SYT16: variants seen among roughly 807,000 people sequenced by gnomAD.
SYT16 encodes synaptotagmin 16, also known as synaptotagmin-16.
SYT16 carries 42 observed loss-of-function variants against 61.4 expected under a neutral mutation model. The observed-to-expected ratio is 0.68, with a 90% CI of 0.53 to 0.89. SYT16 has a LOEUF of 0.89. Ranked by LOEUF, SYT16 falls within the 40% of genes least tolerant of loss-of-function variation. The pLI is 0.00. For synonymous variants in SYT16, 314 were observed against 302.3 expected, an observed-to-expected ratio of 1.04 and a Z score of -0.40; for missense variants, 804 against 807.3, an observed-to-expected ratio of 1.00 and a Z score of 0.05.
At chr14:61,918,958 A>G (rs1235016377) in intron 1 of SYT16, among the ~76,000 whole-genome samples, 4 of 152,200 alleles carry the variant, frequency 2.6e-5, no homozygotes, top group Admixed American at 2.6e-4. Flanking sequence ...TGGAAATAAT[A>G]TAAGACTAAA....
intron 1 of SYT16, among the ~76,000 whole-genome samples, chr14:61,943,138 T>A (rs1352535482): frequency 6.6e-6 from 1 of 151,978 alleles, no homozygotes; most frequent in Non-Finnish European, 1.5e-5. Flanking sequence ...CTAGAAGAAA[T>A]GGATAAATTC....
chr14:61,863,438 T>C (rs73258404), intron 1 of SYT16, among the ~76,000 whole-genome samples: 20,037 of 152,230 alleles, frequency 0.13, 1,427 homozygotes, highest in African/African-American at 0.18. Flanking sequence ...TAAAGCTCTT[T>C]GGCCCATTTT....
chr14:61,918,004 T>C (rs958924865), intron 1 of SYT16, among the ~76,000 whole-genome samples: 1 of 152,184 alleles, frequency 6.6e-6, no homozygotes, highest in Non-Finnish European at 1.5e-5. Flanking sequence ...AGGGTGTGAC[T>C]ACCTCAGCCA....
intron 3 of SYT16, among the ~76,000 whole-genome samples, chr14:62,041,375 C>A (rs1432561201): frequency 6.6e-6 from 1 of 152,160 alleles, no homozygotes; most frequent in Non-Finnish European, 1.5e-5. Flanking sequence ...CTGTTCCTGG[C>A]TACTTTTAAC....
At position 61,960,215 on chromosome 14, in the gene SYT16, T is replaced by C. The variant is rs1353958985; in HGVS notation, c.-324-9917T>C. Among the ~76,000 whole-genome samples, 4 of 151,970 alleles carry C rather than the reference T, an allele frequency of 2.6e-5. No homozygotes were observed. In the East Asian group the frequency reaches 7.7e-4, roughly 29 times the overall value. On this transcript the variant is annotated intron_variant, in intron 1 of 7. Transcript: ENST00000683842. ...TTTTGTTTGCATATGAATTTTAAAG[T>C]AGTTTTTTCTGATTCTGTGAAGAAT...
chr14:61,822,009 A>G (rs2045633350), intron 1 of SYT16, among the ~76,000 whole-genome samples: 1 of 152,204 alleles, frequency 6.6e-6, no homozygotes, highest in African/African-American at 2.4e-5. Context: ...ATTGGCTAAC[A>G]CGATCACAAA....
chr14:61,892,661 G>A (rs1185609530), intron 1 of SYT16, among the ~76,000 whole-genome samples: 1 of 152,154 alleles, frequency 6.6e-6, no homozygotes, highest in Admixed American at 6.5e-5. Flanking sequence ...TGGCTGATGT[G>A]GGGACCAAGA....
In SYT16 at chr14:61,929,179, G is replaced by A. The variant is rs77188300; in HGVS notation, c.-324-40953G>A. 3.6e-4 allele frequency among the ~76,000 whole-genome samples: 55 copies of A among 152,306 alleles called. No individual in the cohort carries two copies. In the East Asian group the frequency reaches 8.7e-3, roughly 24 times the overall value. On this transcript the variant is annotated intron_variant, in intron 1 of 7. Coordinates refer to ENST00000683842, the MANE Select transcript of SYT16 (RefSeq NM_001367656.1). ...TAGTCAGTTCATCTAGCTATGCTCA[G>A]TGCATCTCTGTAACAGCTGGTGGAG...
intron 1 of SYT16, among the ~76,000 whole-genome samples, chr14:61,931,434 T>C (rs2049761937): frequency 6.6e-6 from 1 of 152,076 alleles, no homozygotes; most frequent in African/African-American, 2.4e-5. Context: ...AATTGATAAA[T>C]GAAAAAAAGT....
At chr14:61,940,575 GATAATA>G (rs1226051986) in intron 1 of SYT16, among the ~76,000 whole-genome samples, 1 of 152,164 alleles carries the variant, frequency 6.6e-6, no homozygotes, top group Admixed American at 6.6e-5. Flanking sequence ...TCTGTTAAGT[GATAATA>G]ATAATAATTT....
At chr14:61,970,018 A>G (rs1312229457) in intron 1 of SYT16, 114 bp from the exon 2 acceptor site, 2 of 152,182 alleles carry the variant, frequency 1.3e-5, no homozygotes, top group Non-Finnish European at 2.9e-5. Flanking sequence ...AGTGTTTGTC[A>G]TTTCTCATTA....
At chr14:61,908,480 C>T (rs1030708114) in intron 1 of SYT16, among the ~76,000 whole-genome samples, 7 of 151,870 alleles carry the variant, frequency 4.6e-5, no homozygotes, top group East Asian at 1.9e-4. Context: ...TATATCACGT[C>T]GGGAATAGGA....
chr14:61,923,533 A>C (rs1034537832), intron 1 of SYT16, among the ~76,000 whole-genome samples: 2 of 152,166 alleles, frequency 1.3e-5, no homozygotes, highest in Non-Finnish European at 2.9e-5. Flanking sequence ...ACTAGATGAC[A>C]ATCCCTTCCT....
At position 62,000,098 on chromosome 14, in the gene SYT16, G is replaced by GGTTTTTTTTTTTTTTTT. The variant is rs1566751979; in HGVS notation, c.523+3556_523+3557insGTTTTTTTTTTTTTTTT. Among the ~76,000 whole-genome samples the GGTTTTTTTTTTTTTTTT allele has an allele frequency of 3.4e-4, 12 of 35,514 alleles. 2 individuals are homozygous for GGTTTTTTTTTTTTTTTT. The highest frequency in any genetic ancestry group is 3.7e-4 in the African/African-American group (2 of 5,380). 23.3% of individuals were successfully genotyped at this position (35,514 alleles called of 152,430 possible). ...TTTTCTAATACTTATTTTGTCTCTC[G>GGTTTTTTTTTTTTTTTT]ATTTTTTTTTTTTTTTTTTTTTTTT... On this transcript the variant is annotated intron_variant, in intron 3 of 7. Transcript: ENST00000683842.
intron 3 of SYT16, among the ~76,000 whole-genome samples, chr14:62,061,151 A>C (rs2055807299): frequency 6.6e-6 from 1 of 152,098 alleles, no homozygotes; most frequent in Non-Finnish European, 1.5e-5. Context: ...GCAACGTGTA[A>C]ATTTTGTAAA....
intron 5 of SYT16, among the ~76,000 whole-genome samples, chr14:62,075,878 T>C (rs939029067): frequency 2.0e-5 from 3 of 152,246 alleles, no homozygotes; most frequent in African/African-American, 7.2e-5. Flanking sequence ...AGTGAAATTA[T>C]ACAAGGTGTA....
chr14:61,855,368 T>C (rs1290369196), intron 1 of SYT16, among the ~76,000 whole-genome samples: 1 of 152,198 alleles, frequency 6.6e-6, no homozygotes, highest in Non-Finnish European at 1.5e-5. Context: ...TTGAAAATAA[T>C]TGTAAGTCGA....
Position 62,101,673 on chromosome 14 carries a change from AGT to A in SYT16, c.*968_*969del, listed in dbSNP as rs2057422150. 1 of 152,238 alleles carries A rather than the reference AGT, an allele frequency of 6.6e-6. No homozygotes were observed. 9.4% of individuals were successfully genotyped at this position (152,238 alleles called of 1,614,324 possible). ...CACTAGAGCATAGTAAATTGTACACAGTGAGTCCTTAATAAATATTGATTTGA... is the reference window on the plus strand; with the variant it reads ...CACTAGAGCATAGTAAATTGTACACAGAGTCCTTAATAAATATTGATTTGA... On this transcript the variant is annotated 3_prime_UTR_variant, in exon 8 of 8. Coordinates refer to ENST00000683842, the MANE Select transcript of SYT16 (RefSeq NM_001367656.1).
chr14:61,910,110 T>C (rs1309343733), intron 1 of SYT16, among the ~76,000 whole-genome samples: 1 of 152,252 alleles, frequency 6.6e-6, no homozygotes, highest in Non-Finnish European at 1.5e-5. Context: ...CTATTTCTAC[T>C]CTTACTTGCT....
Sources: gnomAD v4.1 joint callset for allele counts (sites outside exome capture counted in the v4.1 genomes callset) on GRCh38, gnomAD v4.1.1 for gene constraint, MANE v1.5 for transcripts, NCBI Gene and HGNC (gene_info 2026-07-23, HGNC 2026-07-21) for gene names.